The following SGTA variants were observed in gnomAD, a reference collection of about 807,000 sequenced individuals.
SGTA encodes the protein small glutamine rich tetratricopeptide repeat co-chaperone alpha.
In SGTA, 22 loss-of-function variants were observed where a neutral mutation model predicts 44.3. The observed-to-expected ratio is 0.50, with a 90% CI of 0.36 to 0.71. The LOEUF (loss-of-function observed/expected upper bound fraction) is 0.71. SGTA is among the 30% of genes least tolerant of loss of function. The probability of loss-of-function intolerance (pLI) is 0.00; values close to 1 mark genes in which losing one functional copy is unlikely to be tolerated. For synonymous variants in SGTA, 174 were observed against 177.6 expected, an observed-to-expected ratio of 0.98 and a Z score of 0.16; for missense variants, 341 against 435.9, an observed-to-expected ratio of 0.78 and a Z score of 1.94.
intron 1 of SGTA, among the ~76,000 whole-genome samples, chr19:2,771,317 G>A (rs759946037): frequency 3.9e-5 from 6 of 152,216 alleles, no homozygotes; most frequent in African/African-American, 1.2e-4. Flanking sequence ...CCAGCTACTC[G>A]GGAGGCTGAG....
chr19:2,779,808 C>G (rs913150411), intron 1 of SGTA, among the ~76,000 whole-genome samples: 3 of 152,172 alleles, frequency 2.0e-5, no homozygotes, highest in Non-Finnish European at 4.4e-5. Context: ...GGCGGTGGCT[C>G]ACACCTGTAA....
rs569396605 is a variant in SGTA at position 2,762,748 on chromosome 19, G to A, written c.498-104C>T. 1.8e-4 allele frequency: 240 copies of A among 1,368,578 alleles called. 1 individual carries two copies. The highest frequency in any genetic ancestry group is 1.4e-3 in the South Asian group (112 of 79,412). 84.8% of individuals were successfully genotyped at this position (1,368,578 alleles called of 1,614,324 possible). A position where few individuals can be genotyped will look rare whatever the true frequency, so the allele number is the denominator to read the frequency against. On this transcript the variant is annotated intron_variant, in intron 6 of 11. Coordinates refer to ENST00000221566, the MANE Select transcript of SGTA (RefSeq NM_003021.4). Reference sequence around the variant, plus strand: ...GTCCTGGCAACCCCCAAACCACCTCGGATGGTGCCACCCCCTGCCCGCTGT... The same window carrying A: ...GTCCTGGCAACCCCCAAACCACCTCAGATGGTGCCACCCCCTGCCCGCTGT...
Position 2,773,921 on chromosome 19 carries a change from C to T in SGTA, c.-23-4830G>A, listed in dbSNP as rs1182574078. On this transcript the variant is annotated intron_variant, in intron 1 of 11. Transcript: ENST00000221566. ...GGACTCCGAGGGCAGAGATGGGTGA[C>T]GCGGCCACACGGCAGGGACTCCGAG... is the stretch of plus-strand genomic sequence containing the variant. 6.7e-4 allele frequency among the ~76,000 whole-genome samples: 71 copies of T among 105,784 alleles called. 9 individuals carry two copies. Among genetic ancestry groups the T allele is most frequent in the African/African-American group, 3.7e-3 (62 of 16,668 alleles). The allele number at this position is 105,784 out of a possible 152,430, so 69.4% of individuals were successfully genotyped here.
chr19:2,779,546 T>C (rs1159582684), intron 1 of SGTA, among the ~76,000 whole-genome samples: 1 of 152,172 alleles, frequency 6.6e-6, no homozygotes, highest in Non-Finnish European at 1.5e-5. Flanking sequence ...TGGGACAGCA[T>C]CTCAAAGAAG....
intron 11 of SGTA, 80 bp from the exon 12 acceptor site, chr19:2,756,013 G>T: frequency 1.2e-6 from 1 of 820,342 alleles, no homozygotes; most frequent in Non-Finnish European, 1.5e-6. Context: ...CAGCAGGAGA[G>T]GCCCAGAGTG....
At chr19:2,780,772 GTC>G (rs1401876088) in intron 1 of SGTA, among the ~76,000 whole-genome samples, 1 of 152,150 alleles carries the variant, frequency 6.6e-6, no homozygotes, top group Non-Finnish European at 1.5e-5. Flanking sequence ...TTCTCTCTGG[GTC>G]TCTGTTTCCA....
chr19:2,762,925 G>C (rs10403774), intron 6 of SGTA, among the ~76,000 whole-genome samples: 3,020 of 152,280 alleles, frequency 0.02, 108 homozygotes, highest in African/African-American at 0.069. Flanking sequence ...AGGAGGGAGC[G>C]GGCCAGCTCA....
At chr19:2,759,141 C>T (rs1914912513) in intron 9 of SGTA, 116 bp downstream of exon 9, 1 of 909,774 alleles carries the variant, frequency 1.1e-6, no homozygotes. Flanking sequence ...TGTGAAAGTC[C>T]TTAATGCCAT....
At chr19:2,775,092 G>A (rs1915414245) in intron 1 of SGTA, among the ~76,000 whole-genome samples, 1 of 152,230 alleles carries the variant, frequency 6.6e-6, no homozygotes, top group Non-Finnish European at 1.5e-5. Flanking sequence ...GACCTGAAGA[G>A]CCTGTGGGTG....
chr19:2,775,365 C>T (rs1282904063), intron 1 of SGTA, among the ~76,000 whole-genome samples: 1 of 152,222 alleles, frequency 6.6e-6, no homozygotes, highest in African/African-American at 2.4e-5. Flanking sequence ...ACCCACCCCG[C>T]GCCAGAGACA....
In SGTA at chr19:2,769,263, G is replaced by A. The variant is rs1402728394; in HGVS notation, c.-23-172C>T. On this transcript the variant is annotated intron_variant, in intron 1 of 11. Coordinates refer to ENST00000221566, the MANE Select transcript of SGTA (RefSeq NM_003021.4). ...GCCCATTTCACAGATGATGACCTGA[G>A]GCCCAGAGCTCACCAATCCGGCTAT... Among the ~76,000 whole-genome samples, 53 of 152,186 alleles carry A rather than the reference G, an allele frequency of 3.5e-4. 1 individual carries two copies. The highest frequency in any genetic ancestry group is 5.9e-5 in the Non-Finnish European group (4 of 68,020).
intron 9 of SGTA, among the ~76,000 whole-genome samples, 189 bp downstream of exon 9, chr19:2,759,068 A>G (rs931928474): frequency 1.5e-4 from 22 of 146,478 alleles, no homozygotes; most frequent in African/African-American, 5.2e-4. Context: ...TGACAGTTGC[A>G]TGACAGTGTG....
At chr19:2,779,171 AC>A (rs1915514787) in intron 1 of SGTA, among the ~76,000 whole-genome samples, 1 of 152,218 alleles carries the variant, frequency 6.6e-6, no homozygotes, top group Admixed American at 6.5e-5. Context: ...GGAAGTCAGT[AC>A]AGGTCAGCTT....
At position 2,755,470 on chromosome 19, in the gene SGTA, G is replaced by T. The variant is rs561708083; in HGVS notation, c.*470C>A. The T allele has an allele frequency of 2.0e-6, 2 of 987,544 alleles. No individual in the cohort carries two copies. The highest frequency in any genetic ancestry group is 1.7e-5 in the African/African-American group (1 of 57,452). 61.2% of individuals were successfully genotyped at this position (987,544 alleles called of 1,614,324 possible). A position where few individuals can be genotyped will look rare whatever the true frequency, so the allele number is the denominator to read the frequency against. ...AGCTCTTCCGAGCAGGCACAGGGCC[G>T]GGGTGGCCGGGAGGTCGACTCGGAA... On this transcript the variant is annotated 3_prime_UTR_variant, in exon 12 of 12. Transcript: ENST00000221566. The surrounding 1 kb of genome is among the most constrained non-coding windows in gnomAD (Gnocchi z 5.2).
Position 2,763,024 on chromosome 19 carries a change from G to A in SGTA, c.498-380C>T, listed in dbSNP as rs1186602754. Among the ~76,000 whole-genome samples, 1 of 151,126 alleles carries A rather than the reference G, an allele frequency of 6.6e-6. No homozygotes were observed. Among genetic ancestry groups the A allele is most frequent in the Non-Finnish European group, 1.5e-5 (1 of 67,962 alleles). On this transcript the variant is annotated intron_variant, in intron 6 of 11. Transcript: ENST00000221566. The surrounding 1 kb of genome is among the most constrained non-coding windows in gnomAD (Gnocchi z 5.8). ...CTCGGAACCTCTGAGCGACAGACAT[G>A]TCTCCCGTCATCCACAAGCAGCCCC...
At chr19:2,757,645 C>A in intron 10 of SGTA, 48 bp downstream of exon 10, 1 of 1,483,560 alleles carries the variant, frequency 6.7e-7, no homozygotes, top group Non-Finnish European at 9.0e-7. Flanking sequence ...CCTGCGAGCC[C>A]TGCCCGCCGC....
At chr19:2,769,135 C>T (rs1323626358) in intron 1 of SGTA, 44 bp from the exon 2 acceptor site, 3 of 1,231,850 alleles carry the variant, frequency 2.4e-6, no homozygotes, top group Non-Finnish European at 3.6e-6. Context: ...CTCACACTCC[C>T]CACTCCAGGC....
Position 2,765,700 on chromosome 19 carries a change from T to G in SGTA, c.293-415A>C, listed in dbSNP as rs915630170. ...TATTTTGGAATACTCATGTGATACC[T>G]TCTCATTTCATAGGCAATGGGGCTT... On this transcript the variant is annotated intron_variant, in intron 4 of 11. Transcript: ENST00000221566. The surrounding 1 kb of genome is among the most constrained non-coding windows in gnomAD (Gnocchi z 5.5). 1.3e-5 allele frequency among the ~76,000 whole-genome samples: 2 copies of G among 152,188 alleles called. No individual in the cohort carries two copies. The highest frequency in any genetic ancestry group is 4.8e-5 in the African/African-American group (2 of 41,442).
At chr19:2,774,098 TGA>T (rs1470624197) in intron 1 of SGTA, among the ~76,000 whole-genome samples, 2 of 152,208 alleles carry the variant, frequency 1.3e-5, no homozygotes, top group Admixed American at 6.5e-5. Flanking sequence ...CCTCCAGGAC[TGA>T]GAGACGATGA....
Sources: allele counts gnomAD v4.1 joint callset (sites outside exome capture counted in the v4.1 genomes callset), GRCh38; gene constraint gnomAD v4.1.1; non-coding constraint Gnocchi (gnomAD v3.1); transcripts MANE v1.5; gene names NCBI Gene and HGNC (gene_info 2026-07-23, HGNC 2026-07-21).